Variants in FGGY observed in about 807,000 individuals in gnomAD.
FGGY encodes FGGY carbohydrate kinase domain containing, also known as FGGY carbohydrate kinase domain-containing protein.
In FGGY, 72 loss-of-function variants were observed where a neutral mutation model predicts 71.3. The observed-to-expected ratio is 1.01, with a 90% CI of 0.84 to 1.23. FGGY has a LOEUF of 1.23. Ranked by LOEUF, FGGY falls within the 50% of genes most tolerant of loss-of-function variation. The pLI, the probability that FGGY is intolerant of heterozygous loss-of-function variation, is 0.00. For synonymous variants in FGGY, 251 were observed against 250.3 expected, an observed-to-expected ratio of 1.00 and a Z score of -0.02; for missense variants, 668 against 682.3, an observed-to-expected ratio of 0.98 and a Z score of 0.23.
intron 8 of FGGY, among the ~76,000 whole-genome samples, chr1:59,596,489 G>C (rs2096526364): frequency 6.6e-6 from 1 of 151,144 alleles, no homozygotes; most frequent in South Asian, 2.1e-4. Context: ...ACTTAGGAAG[G>C]ATATGGACTT....
At chr1:59,535,112 A>G (rs1485616162) in intron 7 of FGGY, among the ~76,000 whole-genome samples, 15 of 152,246 alleles carry the variant, frequency 9.9e-5, no homozygotes, top group Admixed American at 7.2e-4. Context: ...ACACACATAG[A>G]CTCAAAATAA....
chr1:59,343,437 A>T (rs1424583958), intron 3 of FGGY, among the ~76,000 whole-genome samples: 1 of 152,188 alleles, frequency 6.6e-6, no homozygotes, highest in African/African-American at 2.4e-5. Flanking sequence ...AGAATTAAAT[A>T]AACACTTTCC....
At position 59,644,918 on chromosome 1, in the gene FGGY, C is replaced by T. The variant is rs565189989; in HGVS notation, c.1221+6543C>T. Among the ~76,000 whole-genome samples, 15 of 151,176 alleles carry T rather than the reference C, an allele frequency of 9.9e-5. No homozygotes were observed. The South Asian group carries it at 2.9e-3, about 29-fold the overall frequency. Reference sequence around the variant, plus strand: ...CTTGAACCCAGGAGGCAGAGGTTGCCGTGGGCTGAGATCACGCCACTGCAT... The same window carrying T: ...CTTGAACCCAGGAGGCAGAGGTTGCTGTGGGCTGAGATCACGCCACTGCAT... On this transcript the variant is annotated intron_variant, in intron 11 of 15. Coordinates refer to ENST00000303721, the MANE Select transcript of FGGY (RefSeq NM_018291.5).
At chr1:59,759,448 C>G (rs1343366904) in intron 15 of FGGY, among the ~76,000 whole-genome samples, 1 of 152,174 alleles carries the variant, frequency 6.6e-6, no homozygotes, top group Non-Finnish European at 1.5e-5. Context: ...GCTGGAGCAT[C>G]CCTCTTTTTG....
At chr1:59,707,312 A>T (rs2097763636) in intron 14 of FGGY, among the ~76,000 whole-genome samples, 1 of 152,194 alleles carries the variant, frequency 6.6e-6, no homozygotes, top group Non-Finnish European at 1.5e-5. Context: ...TTTGAGCCCA[A>T]GTCTGTCCAA....
chr1:59,650,138 T>A (rs1360015221), intron 11 of FGGY, among the ~76,000 whole-genome samples: 2 of 148,250 alleles, frequency 1.3e-5, no homozygotes, highest in Admixed American at 1.3e-4. Context: ...GATGTGCTGC[T>A]GGATTTGGTT....
At chr1:59,307,290 G>C (rs983821374) in intron 1 of FGGY, among the ~76,000 whole-genome samples, 1 of 147,714 alleles carries the variant, frequency 6.8e-6, no homozygotes, top group Non-Finnish European at 1.5e-5. Flanking sequence ...CTCCAGCCTG[G>C]GTGATAGAGT....
intron 14 of FGGY, among the ~76,000 whole-genome samples, chr1:59,694,214 G>A (rs1259933341): frequency 3.3e-5 from 5 of 151,712 alleles, no homozygotes; most frequent in South Asian, 2.1e-4. Context: ...GCGTGAACCC[G>A]GGAGGAGGAG....
chr1:59,704,937 T>A (rs2097743929), intron 14 of FGGY, among the ~76,000 whole-genome samples: 1 of 152,218 alleles, frequency 6.6e-6, no homozygotes, highest in Non-Finnish European at 1.5e-5. Flanking sequence ...CTGGATATTG[T>A]CAGTTGTTTA....
intron 4 of FGGY, among the ~76,000 whole-genome samples, chr1:59,349,956 G>A (rs1344133245): frequency 6.6e-6 from 1 of 152,088 alleles, no homozygotes; most frequent in South Asian, 2.1e-4. Context: ...GGGAACTTGT[G>A]AAACCACTTT....
At chr1:59,646,523 T>C (rs2097096190) in intron 11 of FGGY, among the ~76,000 whole-genome samples, 1 of 149,782 alleles carries the variant, frequency 6.7e-6, no homozygotes, top group Non-Finnish European at 1.5e-5. Context: ...TATATATAAA[T>C]TTACATATTT....
intron 8 of FGGY, among the ~76,000 whole-genome samples, chr1:59,599,686 CAA>C (rs76397509): frequency 1.0e-3 from 51 of 49,432 alleles, no homozygotes; most frequent in African/African-American, 2.5e-3. Flanking sequence ...GAGCAAGACT[CAA>C]AAAAAAAAAA....
intron 5 of FGGY, among the ~76,000 whole-genome samples, chr1:59,453,603 T>C (rs952290996): frequency 6.6e-6 from 1 of 152,146 alleles, no homozygotes; most frequent in Non-Finnish European, 1.5e-5. Flanking sequence ...CTGATCCAGA[T>C]TGAGCTCAGC....
chr1:59,492,188 C>T (rs74084899), intron 6 of FGGY, among the ~76,000 whole-genome samples: 4,319 of 152,252 alleles, frequency 0.028, 195 homozygotes, highest in African/African-American at 0.099. Flanking sequence ...GCTTACATCT[C>T]TCTCAGTAGT....
At chr1:59,507,082 A>G (rs950647896) in intron 6 of FGGY, among the ~76,000 whole-genome samples, 30 of 152,334 alleles carry the variant, frequency 2.0e-4, no homozygotes, top group African/African-American at 7.2e-4. Context: ...AGGTTCAGAG[A>G]GACTTTTGCT....
intron 5 of FGGY, among the ~76,000 whole-genome samples, chr1:59,427,319 G>T (rs1309532463): frequency 6.6e-6 from 1 of 152,146 alleles, no homozygotes; most frequent in Non-Finnish European, 1.5e-5. Context: ...TGCATGCTGG[G>T]AATCTGCCTG....
rs140115278 is a variant in FGGY at position 59,511,136 on chromosome 1, G to A, written c.671-1175G>A. On this transcript the variant is annotated intron_variant, in intron 6 of 15. Coordinates refer to ENST00000303721, the MANE Select transcript of FGGY (RefSeq NM_018291.5). ...GCTAAACTTGTTTTCATATTCAATT[G>A]TAGATAGAAGCTCTTAAAATGGATA... Among the ~76,000 whole-genome samples the A allele has an allele frequency of 3.2e-3, 486 of 152,226 alleles. 3 individuals are homozygous for A. The highest frequency in any genetic ancestry group is 0.011 in the African/African-American group (451 of 41,530).
chr1:59,722,142 A>G (rs895794613), intron 14 of FGGY, among the ~76,000 whole-genome samples: 2 of 150,230 alleles, frequency 1.3e-5, no homozygotes, highest in Non-Finnish European at 2.9e-5. Flanking sequence ...ACTTTGTAGT[A>G]TGTCCTTCAG....
chr1:59,342,302 G>C (rs939738186), intron 3 of FGGY, among the ~76,000 whole-genome samples: 1 of 152,078 alleles, frequency 6.6e-6, no homozygotes, highest in Non-Finnish European at 1.5e-5. Context: ...ACAGATTAAC[G>C]GAGAATTAAA....
Sources: gnomAD v4.1 joint callset for allele counts (sites outside exome capture counted in the v4.1 genomes callset) on GRCh38, gnomAD v4.1.1 for gene constraint, MANE v1.5 for transcripts, NCBI Gene and HGNC (gene_info 2026-07-23, HGNC 2026-07-21) for gene names.